The following OTOF variants were observed in gnomAD, a reference collection of about 807,000 sequenced individuals.
OTOF encodes otoferlin, also known as fer-1-like family member 2.
Under a neutral mutation model 236.8 loss-of-function variants are expected in OTOF, and 218 were observed. The ratio of observed to expected loss-of-function variants is 0.92; its 90% CI spans 0.82 to 1.03. The LOEUF (loss-of-function observed/expected upper bound fraction) is 1.03, where lower values mean the gene tolerates loss of function less well. Ranked by LOEUF, OTOF falls within the 50% of genes least tolerant of loss-of-function variation. The pLI is 0.00. For missense variants in OTOF, 2,590 were observed against 2,694.4 expected (o/e 0.96, Z 0.86); for synonymous variants, 1,041 against 1,072.5 (o/e 0.97, Z 0.57).
intron 1 of OTOF, among the ~76,000 whole-genome samples, chr2:26,557,488 C>T (rs990695943): frequency 1.8e-4 from 27 of 152,280 alleles, no homozygotes; most frequent in African/African-American, 6.5e-4. Flanking sequence ...CCGCTGTCCC[C>T]GGGGTCAGGT....
rs186311765 is a variant in OTOF, at chr2:26,466,811, A to G, written c.4403T>C (p.Val1468Ala). Residue 1468 changes from valine (V) to alanine (A), a missense_variant, in exon 36 of 47, where the codon GTG becomes GCG. Physicochemically the swap from Val to Ala is moderately conservative, Grantham distance 64 (BLOSUM62 0). Transcript: ENST00000272371. ...CVYKVPLPED[V>A]SREAGYDSTY... ...GGAGTCGTAGCCGGCTTCCCGGGAC[A>G]CGTCCTCTGGGAGTGGCACTTTGTA... The G allele has an allele frequency of 6.2e-7, 1 of 1,614,234 alleles. No individual in the cohort carries two copies.
rs1170824934 is a variant in OTOF at position 26,558,728 on chromosome 2, C to T, written c.-157G>A. The T allele has an allele frequency of 6.3e-6, 4 of 637,908 alleles. No homozygotes were observed. The highest frequency in any genetic ancestry group is 8.6e-4 in the Middle Eastern group (2 of 2,334). The allele number at this position is 637,908 out of a possible 1,614,324, so 39.5% of individuals were successfully genotyped here. ...CCCACAGAGACCAAGGCAACCAAGC[C>T]GAGCTAAGCTGCTCCTGCAGCGACT... On this transcript the variant is annotated 5_prime_UTR_variant, in exon 1 of 47. Transcript: ENST00000272371.
intron 24 of OTOF, 83 bp from the exon 25 acceptor site, chr2:26,475,576 G>T: frequency 6.8e-7 from 1 of 1,472,806 alleles, no homozygotes; most frequent in Non-Finnish European, 9.5e-7. Flanking sequence ...TACTCACTCA[G>T]CTTCCACGGA....
In OTOF at chr2:26,460,622, G is replaced by A. The variant is rs1429722771; in HGVS notation, c.5813+25C>T. 1.3e-6 allele frequency: 2 copies of A among 1,583,264 alleles called. No individual in the cohort carries two copies. The highest frequency in any genetic ancestry group is 1.7e-5 in the Admixed American group (1 of 59,844). On this transcript the variant is annotated intron_variant, in intron 45 of 46. Coordinates refer to ENST00000272371, the MANE Select transcript of OTOF (RefSeq NM_194248.3). This position sits in a 1 kb window ranked among gnomAD's most constrained non-coding sequence, Gnocchi z 5.3. ...GCGCCTCCAAGAGCCAGAGTGGGGA[G>A]GGGCTGGGCCGGCAGGGCACTCACT...
rs115637687 is a variant in OTOF, at chr2:26,478,347, A to G, written c.2215-598T>C. ...TTATAGTCACAAGACAGGGATGACA[A>G]GGAGGACATTGGCAGGGGGCTGGGA... On this transcript the variant is annotated intron_variant, in intron 18 of 46. Transcript: ENST00000272371. Among the ~76,000 whole-genome samples the G allele has an allele frequency of 0.015, 2,238 of 152,372 alleles. 20 individuals are homozygous for G. Among genetic ancestry groups the G allele is most frequent in the Non-Finnish European group, 0.019 (1,324 of 68,040 alleles).
chr2:26,502,395 A>C lies in OTOF; in HGVS notation c.615T>G (p.Leu205=). The C allele has an allele frequency of 6.2e-7, 1 of 1,613,742 alleles. No individual in the cohort carries two copies. The highest frequency in any genetic ancestry group is 8.5e-7 in the Non-Finnish European group (1 of 1,179,844). ...DEPAVLEMED[L]DHLAIRLGDG... ...CTCCTAGCCGAATGGCCAGATGGTCAAGGTCTTCCATCTCCAGCACCGCCG... is the reference window on the plus strand; with the variant it reads ...CTCCTAGCCGAATGGCCAGATGGTCCAGGTCTTCCATCTCCAGCACCGCCG... Residue 205 remains leucine, a synonymous_variant, in exon 7 of 47, where the codon CTT becomes CTG. Coordinates refer to ENST00000272371, the MANE Select transcript of OTOF (RefSeq NM_194248.3).
intron 10 of OTOF, 89 bp from the exon 11 acceptor site, chr2:26,489,384 AG>A: frequency 9.8e-7 from 1 of 1,022,310 alleles, no homozygotes. Flanking sequence ...TTTGTGGTGA[AG>A]TGGGAGGGCG....
chr2:26,462,064 G>A lies in OTOF; in HGVS notation c.5291+19C>T. 4 of 1,393,126 alleles carry A rather than the reference G, an allele frequency of 2.9e-6. No individual in the cohort carries two copies. The highest frequency in any genetic ancestry group is 3.1e-6 in the Non-Finnish European group (3 of 979,882). 86.3% of individuals were successfully genotyped at this position (1,393,126 alleles called of 1,614,324 possible). A position where few individuals can be genotyped will look rare whatever the true frequency, so the allele number is the denominator to read the frequency against. ...CCCCACCCAGCTCAGTCCCTCCCAT[G>A]CAGGGACTGCTCACCCACCCCCTCA... On this transcript the variant is annotated intron_variant, in intron 42 of 46. Coordinates refer to ENST00000272371, the MANE Select transcript of OTOF (RefSeq NM_194248.3). The surrounding 1 kb of genome is among the most constrained non-coding windows in gnomAD (Gnocchi z 4.7).
chr2:26,457,409 C>G lies in OTOF; in HGVS notation c.*829G>C, dbSNP rs1020805411. The G allele has an allele frequency of 7.9e-5, 12 of 152,662 alleles. No homozygotes were observed. Among genetic ancestry groups the G allele is most frequent in the African/African-American group, 2.9e-4 (12 of 41,434 alleles). 9.5% of individuals were successfully genotyped at this position (152,662 alleles called of 1,614,324 possible). On this transcript the variant is annotated 3_prime_UTR_variant, in exon 47 of 47. Coordinates refer to ENST00000272371, the MANE Select transcript of OTOF (RefSeq NM_194248.3). This position sits in a 1 kb window ranked among gnomAD's most constrained non-coding sequence, Gnocchi z 4.4. ...CCCTCTGCTGCTTCTCACAGCTCCTCAGCTGGGCCTGGAGGCGCTGGCTGG... is the reference window on the plus strand; with the variant it reads ...CCCTCTGCTGCTTCTCACAGCTCCTGAGCTGGGCCTGGAGGCGCTGGCTGG...
In OTOF at chr2:26,473,210, C is replaced by T. The variant is rs1273916972; in HGVS notation, c.3655G>A (p.Gly1219Ser). ...CGCAGGGAGCTGACGGCATGGGAGC[C>T]CACCAGTGTGTAGCGACCGAAGGCC... is the stretch of plus-strand genomic sequence containing the variant. ...CRAFGRYTLVGSHAVSSLRRF... is the reference protein window; with the variant it reads ...CRAFGRYTLVSSHAVSSLRRF... The change falls in exon 29 of 47, where the codon GGC (glycine) becomes AGC (serine). Residue 1219 changes from glycine (G) to serine (S), a missense_variant. By Grantham distance (56) the Gly-to-Ser change is moderately conservative. Around this residue, in one of 2 missense-constraint regions of OTOF, gnomAD observed 1,211 missense variants for 1,352.8 expected, o/e 0.90. Coordinates refer to ENST00000272371, the MANE Select transcript of OTOF (RefSeq NM_194248.3). The surrounding 1 kb of genome is among the most constrained non-coding windows in gnomAD (Gnocchi z 7.2). The T allele has an allele frequency of 6.8e-6, 11 of 1,613,098 alleles. No individual in the cohort carries two copies. Among genetic ancestry groups the T allele is most frequent in the Non-Finnish European group, 9.3e-6 (11 of 1,180,018 alleles).
chr2:26,459,984 A>T, intron 46 of OTOF, 24 bp downstream of exon 46: 2 of 1,551,924 alleles, frequency 1.3e-6, no homozygotes, highest in Non-Finnish European at 8.7e-7. Flanking sequence ...CTTGGTCCAG[A>T]GGAAGAAGTA....
chr2:26,492,336 C>T lies in OTOF; in HGVS notation c.898-2596G>A, dbSNP rs749367798. Among the ~76,000 whole-genome samples, 46 of 152,246 alleles carry T rather than the reference C, an allele frequency of 3.0e-4. 1 individual carries two copies. The highest frequency in any genetic ancestry group is 3.4e-3 in the Middle Eastern group (1 of 294). ...CACCACAATTATCCAGTCCAAGATACCATAGTGCTGAGTTTGAGAAACCCT... is the reference window on the plus strand; with the variant it reads ...CACCACAATTATCCAGTCCAAGATATCATAGTGCTGAGTTTGAGAAACCCT... On this transcript the variant is annotated intron_variant, in intron 9 of 46. Coordinates refer to ENST00000272371, the MANE Select transcript of OTOF (RefSeq NM_194248.3).
intron 46 of OTOF, 31 bp from the exon 47 acceptor site, chr2:26,458,251 C>A (rs1195466454): frequency 3.9e-6 from 6 of 1,554,526 alleles, no homozygotes; most frequent in Non-Finnish European, 4.4e-6. Flanking sequence ...GCCGGTCAGC[C>A]AGTGGGCAGG....
At chr2:26,521,491 G>C (rs965851013) in intron 3 of OTOF, among the ~76,000 whole-genome samples, 3 of 152,190 alleles carry the variant, frequency 2.0e-5, no homozygotes, top group Admixed American at 6.5e-5. Flanking sequence ...AAGAACCTGA[G>C]AGACCTTGTC....
Position 26,462,172 on chromosome 2 carries a change from C to T in OTOF, c.5202G>A (p.Leu1734=), listed in dbSNP as rs770579181. 49 of 1,613,814 alleles carry T rather than the reference C, an allele frequency of 3.0e-5. No individual in the cohort carries two copies. The highest frequency in any genetic ancestry group is 4.1e-5 in the Non-Finnish European group (48 of 1,179,932). The change falls in exon 42 of 47, where the codon CTG becomes CTA. Residue 1734 remains leucine, a synonymous_variant. Coordinates refer to ENST00000272371, the MANE Select transcript of OTOF (RefSeq NM_194248.3). The surrounding 1 kb of genome is among the most constrained non-coding windows in gnomAD (Gnocchi z 4.7). ...CATCTGTGTTCCAGATGATGACCCG[C>T]AGCTCGTACCTGGGCCCAGGGAGAG... ...ISPRKPKKYE[L]RVIIWNTDEV...
Position 26,479,602 on chromosome 2 carries a change from G to C in OTOF, c.1964C>G (p.Pro655Arg), listed in dbSNP as rs373063149. 1 of 1,612,474 alleles carries C rather than the reference G, an allele frequency of 6.2e-7. No individual in the cohort carries two copies. The highest frequency in any genetic ancestry group is 1.7e-5 in the Admixed American group (1 of 60,004). ...TTCCTCATCCCCCGGCTCCTTCCGG[G>C]GCCGAGGCCGCTGGGGCCGGGACAG... ...DGLSRPQRPRPRKEPGDEEEV... is the reference protein window; with the variant it reads ...DGLSRPQRPRRRKEPGDEEEV... Residue 655 changes from proline (P) to arginine (R), a missense_variant, in exon 17 of 47, where the codon CCC (proline) becomes CGC (arginine). This residue lies in a region of OTOF where 1,379 missense variants were observed against 1,341.6 expected (regional missense o/e 1.03). Transcript: ENST00000272371.
chr2:26,486,616 T>G (rs1665707683), intron 11 of OTOF, among the ~76,000 whole-genome samples: 2 of 152,186 alleles, frequency 1.3e-5, no homozygotes, highest in South Asian at 4.1e-4. Context: ...TGAAAGTGGG[T>G]GAAGGTTACA....
At position 26,479,580 on chromosome 2, in the gene OTOF, C is replaced by T. The variant is rs770193706; in HGVS notation, c.1986G>A (p.Glu662=). 3.1e-6 allele frequency: 5 copies of T among 1,612,738 alleles called. No homozygotes were observed. Among genetic ancestry groups the T allele is most frequent in the Non-Finnish European group, 4.2e-6 (5 of 1,179,940 alleles). The change falls in exon 17 of 47, where the codon GAG becomes GAA. Residue 662 remains glutamate (E), a synonymous_variant. Coordinates refer to ENST00000272371, the MANE Select transcript of OTOF (RefSeq NM_194248.3). ...CGTTCTGAATCAGGTCTACTTCTTC[C>T]TCATCCCCCGGCTCCTTCCGGGGCC... ...RPRPRKEPGD[E]EEVDLIQNAS... is the part of the protein sequence containing the mutation.
intron 1 of OTOF, among the ~76,000 whole-genome samples, chr2:26,555,582 A>G (rs944824802): frequency 6.6e-5 from 10 of 152,116 alleles, no homozygotes; most frequent in Admixed American, 4.6e-4. Context: ...CCACGGGCAA[A>G]GCTGGTGCAC....
Sources: gnomAD v4.1 joint callset for allele counts (sites outside exome capture counted in the v4.1 genomes callset) on GRCh38, gnomAD v4.1.1 for gene constraint, gnomAD v4.1.1 regional missense constraint, Gnocchi (gnomAD v3.1) non-coding constraint, MANE v1.5 for transcripts, NCBI Gene and HGNC (gene_info 2026-07-23, HGNC 2026-07-21) for gene names.